Variants in RTTN observed in about 807,000 individuals in gnomAD.
RTTN encodes rotatin.
Under a neutral mutation model 269.2 loss-of-function variants are expected in RTTN, and 182 were observed. The ratio of observed to expected loss-of-function variants is 0.68; its 90% CI spans 0.60 to 0.76. RTTN has a LOEUF of 0.76. Among genes scored for constraint, RTTN ranks in the 30% least tolerant of loss-of-function variants. The pLI, the probability that RTTN is intolerant of heterozygous loss-of-function variation, is 0.00. For missense variants in RTTN, 2,545 were observed against 2,608.6 expected, an observed-to-expected ratio of 0.98 and a Z score of 0.53; for synonymous variants, 1,006 against 963.5, an observed-to-expected ratio of 1.04 and a Z score of -0.82.
chr18:70,150,435 C>A (rs576204736), intron 15 of RTTN, among the ~76,000 whole-genome samples, 173 bp downstream of exon 15: 4 of 152,162 alleles, frequency 2.6e-5, no homozygotes, highest in Non-Finnish European at 4.4e-5. Flanking sequence ...TTTATTCCCA[C>A]ATTTTATGTA....
At chr18:70,068,663 T>C (rs1180389708) in intron 34 of RTTN, among the ~76,000 whole-genome samples, 1 of 152,198 alleles carries the variant, frequency 6.6e-6, no homozygotes, top group Non-Finnish European at 1.5e-5. Context: ...TTCTCGCTGC[T>C]CTGCTCTGTA....
chr18:70,088,250 T>C, intron 30 of RTTN, 103 bp from the exon 31 acceptor site: 1 of 1,095,036 alleles, frequency 9.1e-7, no homozygotes, highest in Non-Finnish European at 1.3e-6. Context: ...AAAAAATCCA[T>C]TGGTTTTATG....
At chr18:70,135,117 T>A in intron 22 of RTTN, 67 bp downstream of exon 22, 1 of 885,806 alleles carries the variant, frequency 1.1e-6, no homozygotes, top group South Asian at 1.6e-5. Context: ...TGCCTTGCTA[T>A]AAGATTACAT....
At chr18:70,148,043 T>C (rs946118903) in intron 17 of RTTN, among the ~76,000 whole-genome samples, 1 of 152,164 alleles carries the variant, frequency 6.6e-6, no homozygotes, top group Non-Finnish European at 1.5e-5. Flanking sequence ...ATTTTCCTCC[T>C]TCCATTCTCT....
chr18:70,039,497 C>A (rs919042990), intron 40 of RTTN, among the ~76,000 whole-genome samples: 2 of 151,804 alleles, frequency 1.3e-5, no homozygotes, highest in African/African-American at 4.8e-5. Flanking sequence ...AAATAAAAAC[C>A]TTAGACAAAC....
At chr18:70,153,091 G>C (rs2060581074) in intron 14 of RTTN, among the ~76,000 whole-genome samples, 1 of 152,186 alleles carries the variant, frequency 6.6e-6, no homozygotes, top group East Asian at 1.9e-4. Flanking sequence ...CCTCGGGCTA[G>C]AAATTCTCCC....
chr18:70,137,019 T>C (rs1201877841), intron 21 of RTTN, among the ~76,000 whole-genome samples: 1 of 152,078 alleles, frequency 6.6e-6, no homozygotes, highest in Non-Finnish European at 1.5e-5. Context: ...GAATGAAAAC[T>C]ACATGTGTAT....
intron 28 of RTTN, among the ~76,000 whole-genome samples, chr18:70,095,799 T>C (rs2145283126): frequency 6.6e-6 from 1 of 152,216 alleles, no homozygotes; most frequent in Non-Finnish European, 1.5e-5. Context: ...GGGGAGCATG[T>C]TTGTGGTGAT....
intron 28 of RTTN, among the ~76,000 whole-genome samples, chr18:70,105,376 AT>A (rs1277548127): frequency 1.3e-5 from 2 of 152,246 alleles, no homozygotes; most frequent in East Asian, 3.9e-4. Flanking sequence ...AAGTGTCCCA[AT>A]TTTCCAGGTA....
At chr18:70,069,127 T>C (rs2058227881) in intron 34 of RTTN, among the ~76,000 whole-genome samples, 1 of 152,062 alleles carries the variant, frequency 6.6e-6, no homozygotes, top group African/African-American at 2.4e-5. Flanking sequence ...GTCTAATGTG[T>C]AGCATGGTGA....
chr18:70,020,870 T>C, intron 44 of RTTN, 53 bp from the exon 45 acceptor site: 1 of 1,465,120 alleles, frequency 6.8e-7, no homozygotes, highest in Non-Finnish European at 9.4e-7. Context: ...TGTTTAGTTT[T>C]TGAAGACACT....
chr18:70,204,772 T>C (rs2062034877), intron 2 of RTTN, among the ~76,000 whole-genome samples: 1 of 152,216 alleles, frequency 6.6e-6, no homozygotes, highest in Non-Finnish European at 1.5e-5. Context: ...CACGGTTATG[T>C]AACATTATTT....
intron 28 of RTTN, among the ~76,000 whole-genome samples, chr18:70,104,122 C>A (rs2059255780): frequency 6.6e-6 from 1 of 152,204 alleles, no homozygotes; most frequent in South Asian, 2.1e-4. Flanking sequence ...CTTTCAGGTA[C>A]AACAATCAAA....
At chr18:70,173,281 T>A (rs111724369) in intron 11 of RTTN, among the ~76,000 whole-genome samples, 11 of 151,550 alleles carry the variant, frequency 7.3e-5, no homozygotes, top group African/African-American at 2.7e-4. Context: ...AAACAAGAGG[T>A]CAAGAGATCG....
chr18:70,172,261 G>A (rs2061162197), intron 11 of RTTN, among the ~76,000 whole-genome samples: 1 of 152,118 alleles, frequency 6.6e-6, no homozygotes, highest in Non-Finnish European at 1.5e-5. Context: ...ACAGGCATCA[G>A]AGGACATTTT....
At chr18:70,048,773 G>A (rs539395536) in intron 39 of RTTN, among the ~76,000 whole-genome samples, 4 of 151,914 alleles carry the variant, frequency 2.6e-5, no homozygotes, top group East Asian at 3.9e-4. Flanking sequence ...AGTCAAGTTC[G>A]AGAAAAGACT....
intron 34 of RTTN, among the ~76,000 whole-genome samples, chr18:70,066,306 T>C (rs1272237667): frequency 6.6e-6 from 1 of 152,182 alleles, no homozygotes; most frequent in Non-Finnish European, 1.5e-5. Flanking sequence ...TTTTTAATGT[T>C]CCAAATGGCA....
At chr18:70,070,125 T>C (rs556053959) in intron 34 of RTTN, among the ~76,000 whole-genome samples, 11 of 152,368 alleles carry the variant, frequency 7.2e-5, no homozygotes, top group African/African-American at 2.2e-4. Flanking sequence ...CAGAAGATGA[T>C]AGACGATTCT....
chr18:70,188,150 T>C lies in RTTN; in HGVS notation c.1263A>G (p.Ser421=). The change falls in exon 10 of 49, where the codon TCA becomes TCG. Residue 421 remains serine (S), a synonymous_variant. Transcript: ENST00000640769. ...EDMTLIGEAI[S]TDIWDDSSLF... ...GGCTGCTGTCATCCCAGATATCTGTTGAAATTGCTTCACCAATAAGTGTCA... is the reference window on the plus strand; with the variant it reads ...GGCTGCTGTCATCCCAGATATCTGTCGAAATTGCTTCACCAATAAGTGTCA... 1 of 1,611,740 alleles carries C rather than the reference T, an allele frequency of 6.2e-7. No homozygotes were observed. The highest frequency in any genetic ancestry group is 1.7e-4 in the Middle Eastern group (1 of 5,996).
Sources: allele counts gnomAD v4.1 joint callset (sites outside exome capture counted in the v4.1 genomes callset), GRCh38; gene constraint gnomAD v4.1.1; transcripts MANE v1.5; gene names NCBI Gene and HGNC (gene_info 2026-07-23, HGNC 2026-07-21).